The following MAST2 variants were observed in gnomAD, a reference collection of about 807,000 sequenced individuals.
MAST2 encodes microtubule-associated serine/threonine-protein kinase 2.
In MAST2, 70 loss-of-function variants were observed where a neutral mutation model predicts 147.4. The observed-to-expected ratio is 0.47, with a 90% CI of 0.39 to 0.58. MAST2 has a LOEUF of 0.58. MAST2 is among the 20% of genes least tolerant of loss of function. The probability of loss-of-function intolerance (pLI) is 0.00; values close to 1 mark genes in which losing one functional copy is unlikely to be tolerated. For missense variants in MAST2, 2,080 were observed against 2,302.3 expected (o/e 0.90, Z 1.98); for synonymous variants, 869 against 896.8 (o/e 0.97, Z 0.55).
intron 5 of MAST2, among the ~76,000 whole-genome samples, chr1:45,992,955 A>T (rs2149126495): frequency 6.6e-6 from 1 of 152,056 alleles, no homozygotes; most frequent in Middle Eastern, 3.4e-3. Context: ...TGTTTGCCTT[A>T]GCATTTATAG....
intron 16 of MAST2, among the ~76,000 whole-genome samples, chr1:46,026,324 G>A (rs1646407919): frequency 6.6e-6 from 1 of 152,184 alleles, no homozygotes; most frequent in Non-Finnish European, 1.5e-5. Flanking sequence ...AGGTGCAAGA[G>A]AACAGCACTT....
chr1:45,829,758 C>T (rs149861236), intron 3 of MAST2, among the ~76,000 whole-genome samples, 177 bp downstream of exon 3: 35 of 152,222 alleles, frequency 2.3e-4, no homozygotes, highest in South Asian at 1.0e-3. Context: ...TGCTTTGTTG[C>T]CCAGGCTGAC....
At position 46,027,887 on chromosome 1, in the gene MAST2, T is replaced by G. The variant is rs562000521; in HGVS notation, c.2052+24T>G. On this transcript the variant is annotated intron_variant, in intron 17 of 28. Coordinates refer to ENST00000361297, the MANE Select transcript of MAST2 (RefSeq NM_015112.3). ...AGGTAAGGAAGGGTAGTTGATACAC[T>G]GGGGGTTAAATTCTAGGCCCTTGTC... 61 of 1,613,112 alleles carry G rather than the reference T, an allele frequency of 3.8e-5. No homozygotes were observed. The East Asian group carries it at 1.2e-3, about 32-fold the overall frequency.
intron 3 of MAST2, among the ~76,000 whole-genome samples, chr1:45,838,506 A>G (rs1437344280): frequency 1.3e-5 from 2 of 152,164 alleles, no homozygotes; most frequent in African/African-American, 4.8e-5. Flanking sequence ...TACAGGTGTC[A>G]GCCAATGCGC....
intron 4 of MAST2, among the ~76,000 whole-genome samples, chr1:45,934,622 A>C (rs1011665732): frequency 3.9e-5 from 6 of 152,176 alleles, no homozygotes; most frequent in African/African-American, 1.4e-4. Context: ...AAGAGGTTTC[A>C]CCATGTTGGC....
At chr1:45,834,248 A>C (rs1645039944) in intron 3 of MAST2, among the ~76,000 whole-genome samples, 1 of 152,184 alleles carries the variant, frequency 6.6e-6, no homozygotes, top group Non-Finnish European at 1.5e-5. Flanking sequence ...TTTTATTTAA[A>C]TAGTAACAAA....
chr1:45,803,950 G>A lies in MAST2; in HGVS notation c.55G>A (p.Glu19Lys), dbSNP rs1644062352. Reference protein sequence around the residue: ...RPQPPPPDRREDGVQRAAELS... With the variant: ...RPQPPPPDRRKDGVQRAAELS... ...GCAGCCGCCGCCGCCCGACCGCCGG[G>A]AGGATGGAGTTCAGCGGGCAGCGGA... is the stretch of plus-strand genomic sequence containing the variant. Residue 19 changes from glutamate to lysine, a missense_variant, in exon 1 of 29, where the codon GAG (glutamate) becomes AAG (lysine). By Grantham distance (56) the Glu-to-Lys change is moderately conservative. Transcript: ENST00000361297. 1.0e-6 allele frequency: 1 copy of A among 961,240 alleles called. No homozygotes were observed. The highest frequency in any genetic ancestry group is 1.4e-6 in the Non-Finnish European group (1 of 709,916). The allele number at this position is 961,240 out of a possible 1,614,324, so 59.5% of individuals were successfully genotyped here.
intron 4 of MAST2, among the ~76,000 whole-genome samples, chr1:45,905,045 A>T (rs1196642119): frequency 1.3e-5 from 2 of 152,132 alleles, no homozygotes. Flanking sequence ...TCCTGAGCTC[A>T]AGTGATCCTC....
intron 4 of MAST2, among the ~76,000 whole-genome samples, chr1:45,953,358 C>T (rs949248243): frequency 1.6e-4 from 25 of 152,172 alleles, no homozygotes; most frequent in Non-Finnish European, 1.5e-4. Context: ...TGACTACCTG[C>T]TTCTGTGGAA....
rs1472792243 is a variant in MAST2, at chr1:46,025,812, A to G, written c.1916A>G (p.Asp639Gly). ...ATCGTGCACCGTGACCTCAAGCCTG[A>G]CAAGTATGTCCACAGTCTGTGTCCC... is the stretch of plus-strand genomic sequence containing the variant. ...YGIVHRDLKP[D>G]NLLITSMGHI... The change falls in exon 16 of 29, where the codon GAC (aspartate) becomes GGC (glycine). Residue 639 changes from aspartate to glycine, a missense_variant. Around this residue, in one of 4 missense-constraint regions of MAST2, gnomAD observed 209 missense variants for 309.5 expected, o/e 0.68. Coordinates refer to ENST00000361297, the MANE Select transcript of MAST2 (RefSeq NM_015112.3). 1 of 1,614,180 alleles carries G rather than the reference A, an allele frequency of 6.2e-7. No homozygotes were observed. The highest frequency in any genetic ancestry group is 8.5e-7 in the Non-Finnish European group (1 of 1,180,028).
intron 4 of MAST2, among the ~76,000 whole-genome samples, chr1:45,930,079 C>T (rs548332165): frequency 6.6e-6 from 1 of 152,034 alleles, no homozygotes; most frequent in African/African-American, 2.4e-5. Flanking sequence ...TTAAAATATT[C>T]CTAAAGGATG....
chr1:45,964,641 A>T (rs1557973931), intron 5 of MAST2, among the ~76,000 whole-genome samples: 2 of 151,912 alleles, frequency 1.3e-5, no homozygotes, highest in African/African-American at 4.8e-5. Context: ...CAGTCTATCA[A>T]TTTTGTTGAT....
chr1:45,814,434 A>G (rs1644392913), intron 1 of MAST2, among the ~76,000 whole-genome samples: 1 of 152,206 alleles, frequency 6.6e-6, no homozygotes, highest in Admixed American at 6.5e-5. Context: ...GTATGTTTGT[A>G]TCTTACTTTC....
Position 46,030,645 on chromosome 1 carries a change from G to A in MAST2, c.2592G>A (p.Glu864=), listed in dbSNP as rs1000078979. The A allele has an allele frequency of 6.2e-7, 1 of 1,611,690 alleles. No individual in the cohort carries two copies. The highest frequency in any genetic ancestry group is 8.5e-7 in the Non-Finnish European group (1 of 1,179,386). Residue 864 remains glutamate, a synonymous_variant, in exon 22 of 29, where the codon GAG becomes GAA. Transcript: ENST00000361297. The stretch of plus-strand genomic sequence containing the variant: ...TGGAGCGGCTCTCACTGCTCGAGGA[G>A]CGCCGGACACCACCCCCGACCAAGC... ...SSMERLSLLE[E]RRTPPPTKRS... is the part of the protein sequence containing the mutation.
rs191145446 is a variant in MAST2, at chr1:45,805,568, C to G, written c.177+1496C>G. On this transcript the variant is annotated intron_variant, in intron 1 of 28. Coordinates refer to ENST00000361297, the MANE Select transcript of MAST2 (RefSeq NM_015112.3). The stretch of plus-strand genomic sequence containing the variant: ...AAACTTGTACAATGAACTTCAAGTC[C>G]AGGTCCTTTCCTGTCTCAGTTTACC... 1.9e-3 allele frequency among the ~76,000 whole-genome samples: 288 copies of G among 152,306 alleles called. 1 individual carries two copies. The highest frequency in any genetic ancestry group is 6.1e-3 in the African/African-American group (255 of 41,566).
chr1:45,860,505 GT>G lies in MAST2; in HGVS notation c.469-21856del, dbSNP rs541509640. Among the ~76,000 whole-genome samples the G allele has an allele frequency of 1.3e-4, 19 of 151,818 alleles. No homozygotes were observed. In the South Asian group the frequency reaches 1.7e-3, roughly 13 times the overall value. On this transcript the variant is annotated intron_variant, in intron 3 of 28. Coordinates refer to ENST00000361297, the MANE Select transcript of MAST2 (RefSeq NM_015112.3). ...GTTTACCAACTTAATTATTCTTCCT[GT>G]TTCATGTTAGATTCTATAATCCAGT...
At chr1:45,824,394 ATATT>A in intron 1 of MAST2, 35 bp from the exon 2 acceptor site, 1 of 1,509,294 alleles carries the variant, frequency 6.6e-7, no homozygotes, top group Non-Finnish European at 9.0e-7. Flanking sequence ...TTCAGAGGAG[ATATT>A]AAAGACTCAT....
chr1:45,980,846 T>A (rs1264580305), intron 5 of MAST2, among the ~76,000 whole-genome samples: 1 of 152,036 alleles, frequency 6.6e-6, no homozygotes, highest in Non-Finnish European at 1.5e-5. Context: ...AGAATGTTGT[T>A]ATAACATCTT....
intron 26 of MAST2, among the ~76,000 whole-genome samples, chr1:46,033,576 G>A (rs746840980): frequency 2.6e-5 from 4 of 152,154 alleles, no homozygotes; most frequent in Non-Finnish European, 5.9e-5. Context: ...AGAATGGGAC[G>A]GATTAGCCTG....
Sources: gnomAD v4.1 joint callset for allele counts (sites outside exome capture counted in the v4.1 genomes callset) on GRCh38, gnomAD v4.1.1 for gene constraint, gnomAD v4.1.1 regional missense constraint, MANE v1.5 for transcripts, NCBI Gene and HGNC (gene_info 2026-07-23, HGNC 2026-07-21) for gene names.